LIFR: variants seen among roughly 807,000 people sequenced by gnomAD.
LIFR encodes LIF receptor subunit alpha, also known as leukemia inhibitory factor receptor.
LIFR carries 84 observed loss-of-function variants against 122.2 expected under a neutral mutation model. That is an observed-to-expected ratio of 0.69 (90% confidence interval 0.58 to 0.82). The LOEUF (loss-of-function observed/expected upper bound fraction) is 0.82, where lower values mean the gene tolerates loss of function less well. Ranked by LOEUF, LIFR falls within the 40% of genes least tolerant of loss-of-function variation. The probability of loss-of-function intolerance (pLI) is 0.00; values close to 1 mark genes in which losing one functional copy is unlikely to be tolerated. For missense variants in LIFR, 1,294 were observed against 1,311.6 expected (o/e 0.99, Z 0.21); for synonymous variants, 422 against 434.7 (o/e 0.97, Z 0.36).
intron 13 of LIFR, among the ~76,000 whole-genome samples, chr5:38,494,827 C>A (rs1304290755): frequency 6.6e-6 from 1 of 152,076 alleles, no homozygotes; most frequent in Non-Finnish European, 1.5e-5. Flanking sequence ...TACTTAATCA[C>A]CCACAGGCTA....
intron 6 of LIFR, among the ~76,000 whole-genome samples, chr5:38,511,490 A>G (rs1250231865): frequency 2.0e-5 from 3 of 151,646 alleles, no homozygotes; most frequent in Non-Finnish European, 4.4e-5. Flanking sequence ...TTTTTTAAAC[A>G]TAGATTTCAT....
At chr5:38,602,739 T>TG (rs1750245389) in intron 2 of LIFR, among the ~76,000 whole-genome samples, 1 of 151,950 alleles carries the variant, frequency 6.6e-6, no homozygotes, top group Non-Finnish European at 1.5e-5. Flanking sequence ...CAGGCAAGAG[T>TG]GGAGCAGGAA....
In LIFR at chr5:38,516,558, C is replaced by T. The variant is rs1485653110; in HGVS notation, c.562-4594G>A. On this transcript the variant is annotated intron_variant, in intron 5 of 19. Coordinates refer to ENST00000453190, the MANE Select transcript of LIFR (RefSeq NM_001127671.2). ...CGATCATTAAAAAGACAGGAAACAA[C>T]AGATGTTGGAGAGGATGTGGAGAAA... Among the ~76,000 whole-genome samples the T allele has an allele frequency of 2.0e-5, 3 of 152,162 alleles. No homozygotes were observed. In the East Asian group the frequency reaches 5.8e-4, roughly 29 times the overall value.
chr5:38,560,595 G>GTTTTT (rs1469820400), upstream of LIFR, among the ~76,000 whole-genome samples: 2 of 148,832 alleles, frequency 1.3e-5, no homozygotes. Context: ...GTTTTGTTTT[G>GTTTTT]TTTTTTGTTT....
chr5:38,489,382 G>C lies in LIFR; in HGVS notation c.2168-137C>G, dbSNP rs565187660. 2.2e-4 allele frequency: 169 copies of C among 771,184 alleles called. No homozygotes were observed. The African/African-American group carries it at 2.8e-3, about 13-fold the overall frequency. 47.8% of individuals were successfully genotyped at this position (771,184 alleles called of 1,614,324 possible). On this transcript the variant is annotated intron_variant, in intron 15 of 19. Transcript: ENST00000453190. Reference sequence around the variant, plus strand: ...TTATTTAATCATAAACTTTCAGAGAGAGATGATCACAAACGCTTTTTTTGT... The same window carrying C: ...TTATTTAATCATAAACTTTCAGAGACAGATGATCACAAACGCTTTTTTTGT...
At position 38,498,279 on chromosome 5, in the gene LIFR, G is replaced by A. The variant is rs75819708; in HGVS notation, c.1671+1234C>T. 2.2e-3 allele frequency among the ~76,000 whole-genome samples: 337 copies of A among 152,148 alleles called. 1 individual carries two copies. The highest frequency in any genetic ancestry group is 7.6e-3 in the African/African-American group (314 of 41,516). On this transcript the variant is annotated intron_variant, in intron 12 of 19. Coordinates refer to ENST00000453190, the MANE Select transcript of LIFR (RefSeq NM_001127671.2). Reference sequence around the variant, plus strand: ...CAGCTTCTCTAATTCTATTTTCTTCGTTGTTCCTGCCCCTCTAAACCTTCC... The same window carrying A: ...CAGCTTCTCTAATTCTATTTTCTTCATTGTTCCTGCCCCTCTAAACCTTCC...
chr5:38,564,195 C>G (rs995099241), intron 1 of LIFR, among the ~76,000 whole-genome samples: 1 of 151,810 alleles, frequency 6.6e-6, no homozygotes, highest in Non-Finnish European at 1.5e-5. Flanking sequence ...ATCAGCCCAT[C>G]CCCCTTCCCC....
At chr5:38,531,890 CA>C (rs1010497853) in intron 1 of LIFR, among the ~76,000 whole-genome samples, 8 of 152,192 alleles carry the variant, frequency 5.3e-5, no homozygotes, top group African/African-American at 1.9e-4. Context: ...CCATAACATG[CA>C]AAAGGCGTGA....
chr5:38,476,730 A>G lies in LIFR; in HGVS notation c.*4865T>C, dbSNP rs973296820. The stretch of plus-strand genomic sequence containing the variant: ...ATGTTCAATCAGTTTTTCTTTTATA[A>G]GAGCTTTTGATGTACTGTTTCTACG... On this transcript the variant is annotated 3_prime_UTR_variant, in exon 20 of 20. Coordinates refer to ENST00000453190, the MANE Select transcript of LIFR (RefSeq NM_001127671.2). 1.6e-4 allele frequency: 34 copies of G among 210,894 alleles called. No individual in the cohort carries two copies. The highest frequency in any genetic ancestry group is 3.1e-4 in the Non-Finnish European group (32 of 104,006). The allele number at this position is 210,894 out of a possible 1,614,324, so 13.1% of individuals were successfully genotyped here.
chr5:38,585,178 G>A (rs367756136), intron 1 of LIFR, among the ~76,000 whole-genome samples: 2 of 152,146 alleles, frequency 1.3e-5, no homozygotes, highest in African/African-American at 2.4e-5. Flanking sequence ...TTTAAGTTGC[G>A]TGCTTTAGAA....
chr5:38,566,133 T>C (rs1400734279), intron 1 of LIFR, among the ~76,000 whole-genome samples: 1 of 152,234 alleles, frequency 6.6e-6, no homozygotes, highest in Non-Finnish European at 1.5e-5. Context: ...TCATTTTTTC[T>C]TCCTATCATA....
intron 5 of LIFR, among the ~76,000 whole-genome samples, chr5:38,521,991 G>A (rs1239003263): frequency 6.6e-6 from 1 of 152,168 alleles, no homozygotes; most frequent in Non-Finnish European, 1.5e-5. Context: ...AGTACATGTA[G>A]ACACTAGCTG....
intron 1 of LIFR, chr5:38,595,058 G>A (rs1197348066): frequency 5.6e-6 from 1 of 179,322 alleles, no homozygotes; most frequent in Non-Finnish European, 1.2e-5. Flanking sequence ...GGATTGACTG[G>A]AGAAAGTCTG....
chr5:38,553,856 T>G (rs892105084), intron 1 of LIFR, among the ~76,000 whole-genome samples: 1 of 151,446 alleles, frequency 6.6e-6, no homozygotes, highest in South Asian at 2.1e-4. Context: ...AAGAGCATGC[T>G]GACGAGACCC....
intron 1 of LIFR, among the ~76,000 whole-genome samples, chr5:38,568,600 C>A (rs1374678430): frequency 1.3e-5 from 2 of 152,154 alleles, no homozygotes. Context: ...AGAGACACTG[C>A]ACTGAGGGGC....
At chr5:38,530,376 A>C (rs1204039804) in intron 2 of LIFR, 130 bp downstream of exon 2, 1 of 663,564 alleles carries the variant, frequency 1.5e-6, no homozygotes, top group Non-Finnish European at 2.5e-6. Context: ...ACATAGAAAA[A>C]AGATGACAAA....
intron 1 of LIFR, among the ~76,000 whole-genome samples, chr5:38,578,207 C>CTTTTTTTTTTTTTTTTTTTTTTTTT (rs3079294): frequency 5.7e-5 from 7 of 123,450 alleles, no homozygotes; most frequent in Non-Finnish European, 4.9e-5. Flanking sequence ...TTTTCTTTTT[C>CTTTTTTTTTTTTTTTTTTTTTTTTT]TTTTTTTTTT....
intron 1 of LIFR, among the ~76,000 whole-genome samples, chr5:38,553,619 AAACTATATATATATATAT>A (rs1258174366): frequency 2.8e-5 from 2 of 71,546 alleles, no homozygotes; most frequent in Admixed American, 1.8e-4. Context: ...TGGACCATTT[AAACTATATATATATATAT>A]ATATATATAT....
At chr5:38,551,688 T>C (rs1332653646) in intron 1 of LIFR, among the ~76,000 whole-genome samples, 3 of 152,222 alleles carry the variant, frequency 2.0e-5, no homozygotes, top group Non-Finnish European at 2.9e-5. Context: ...ATTCTTTCTC[T>C]GTATCTGCCT....
Sources: allele counts gnomAD v4.1 joint callset (sites outside exome capture counted in the v4.1 genomes callset), GRCh38; gene constraint gnomAD v4.1.1; transcripts MANE v1.5; gene names NCBI Gene and HGNC (gene_info 2026-07-23, HGNC 2026-07-21).